Variants in EVC observed in about 807,000 individuals in gnomAD.
EVC encodes EvC ciliary complex subunit 1.
A neutral mutation model predicts 118.9 loss-of-function variants in EVC; 116 were observed. The ratio of observed to expected loss-of-function variants is 0.98; its 90% confidence interval spans 0.84 to 1.14. The LOEUF (loss-of-function observed/expected upper bound fraction) is 1.14, where lower values mean the gene tolerates loss of function less well. Ranked by LOEUF, EVC falls within the 50% of genes most tolerant of loss-of-function variation. EVC has a pLI of 0.00. For missense variants in EVC, 1,401 were observed against 1,246.4 expected, an observed-to-expected ratio of 1.12 and a Z score of -1.87; for synonymous variants, 619 against 534.7, an observed-to-expected ratio of 1.16 and a Z score of -2.18.
intron 19 of EVC, among the ~76,000 whole-genome samples, 179 bp from the exon 20 acceptor site, chr4:5,810,160 A>G (rs533414242): frequency 6.6e-6 from 1 of 152,278 alleles, no homozygotes; most frequent in East Asian, 1.9e-4. Flanking sequence ...AGAGTACGTC[A>G]CCTTCCCAGG....
chr4:5,817,050 G>A (rs77726796), downstream of EVC, among the ~76,000 whole-genome samples: 5,806 of 152,312 alleles, frequency 0.038, 142 homozygotes, highest in East Asian at 0.084. Flanking sequence ...GTGAGGCTGA[G>A]GCCCCAGCCT....
chr4:5,795,813 T>G (rs1231364033), intron 13 of EVC, among the ~76,000 whole-genome samples: 1 of 152,228 alleles, frequency 6.6e-6, no homozygotes, highest in African/African-American at 2.4e-5. Flanking sequence ...CATTTATGTT[T>G]AATGTAAATC....
intron 14 of EVC, among the ~76,000 whole-genome samples, chr4:5,797,923 A>C (rs933703724): frequency 3.9e-5 from 6 of 152,158 alleles, no homozygotes; most frequent in African/African-American, 7.2e-5. Flanking sequence ...ATAATTAGTA[A>C]GTTGTAGAGC....
Position 5,752,995 on chromosome 4 carries a change from G to A in EVC, c.1258G>A (p.Glu420Lys), listed in dbSNP as rs373502728. Residue 420 changes from glutamate to lysine, a missense_variant, in exon 9 of 21, where the codon GAG (glutamate) becomes AAG (lysine). Glu to Lys is a moderately conservative substitution (Grantham distance 56, BLOSUM62 1). Transcript: ENST00000264956. The part of the protein sequence containing the change: ...EGKLSGRQKE[E>K]LLTQQHKAFW... ...GAAGCTGTCCGGGCGGCAGAAGGAG[G>A]AGCTGCTCACGCAGCAGCACAAGGC... 7 of 1,613,174 alleles carry A rather than the reference G, an allele frequency of 4.3e-6. No homozygotes were observed. Among genetic ancestry groups the A allele is most frequent in the Non-Finnish European group, 5.1e-6 (6 of 1,179,698 alleles).
chr4:5,716,904 T>A (rs1724051600), intron 1 of EVC, among the ~76,000 whole-genome samples: 1 of 152,166 alleles, frequency 6.6e-6, no homozygotes, highest in Non-Finnish European at 1.5e-5. Context: ...TTCCTTTTGT[T>A]CCTCTGTAGA....
downstream of EVC, among the ~76,000 whole-genome samples, chr4:5,816,956 T>C (rs539301934): frequency 6.6e-6 from 1 of 152,156 alleles, no homozygotes; most frequent in Admixed American, 6.5e-5. Flanking sequence ...CTGACTCCTG[T>C]CCATGTTCTC....
chr4:5,766,268 G>C (rs994380248), intron 11 of EVC, among the ~76,000 whole-genome samples: 2 of 151,482 alleles, frequency 1.3e-5, no homozygotes, highest in South Asian at 4.2e-4. Context: ...TCTGCCTAGC[G>C]ATCAGCTGTT....
chr4:5,713,323 T>A (rs1362444264), intron 1 of EVC, among the ~76,000 whole-genome samples: 4 of 152,204 alleles, frequency 2.6e-5, no homozygotes, highest in Non-Finnish European at 5.9e-5. Flanking sequence ...TTATAAAATG[T>A]ATGTCAGACA....
intron 4 of EVC, among the ~76,000 whole-genome samples, chr4:5,732,946 G>C (rs982487729): frequency 3.3e-5 from 5 of 152,234 alleles, no homozygotes; most frequent in African/African-American, 1.2e-4. Flanking sequence ...GGAGGTGGAG[G>C]CTGCAGTAAG....
At chr4:5,783,846 C>A in intron 12 of EVC, 82 bp downstream of exon 12, 1 of 1,293,322 alleles carries the variant, frequency 7.7e-7, no homozygotes, top group Non-Finnish European at 1.1e-6. Context: ...ACGTCCTGAA[C>A]ACCCACTAGT....
At chr4:5,723,383 C>T (rs6852571) in intron 2 of EVC, among the ~76,000 whole-genome samples, 138,762 of 151,864 alleles carry the variant, frequency 0.91, 63,415 homozygotes, top group Middle Eastern at 0.94. Context: ...TAGAGGCGGG[C>T]TTCCACCATG....
Position 5,731,331 on chromosome 4 carries a change from A to G in EVC, c.385-94A>G. On this transcript the variant is annotated intron_variant, in intron 3 of 20. Coordinates refer to ENST00000264956, the MANE Select transcript of EVC (RefSeq NM_153717.3). This position sits in a 1 kb window ranked among gnomAD's most constrained non-coding sequence, Gnocchi z 5.6. ...TCTCCTCCAGGCAGACCTTCCTGTG[A>G]GCGGCTAGCGTGAATCACTGGTAGA... 9.2e-6 allele frequency: 10 copies of G among 1,089,166 alleles called. No individual in the cohort carries two copies. The South Asian group carries it at 1.0e-4, about 11-fold the overall frequency. The allele number at this position is 1,089,166 out of a possible 1,614,324, so 67.5% of individuals were successfully genotyped here.
At position 5,804,731 on chromosome 4, in the gene EVC, T is replaced by G; in HGVS notation, c.2451T>G (p.Gly817=). ...ATTGTCCTGTGTTAAATGGTCTAGGTGAGAGGATGGAAAATTACAAACTGC... is the reference window on the plus strand; with the variant it reads ...ATTGTCCTGTGTTAAATGGTCTAGGGGAGAGGATGGAAAATTACAAACTGC... The part of the protein sequence containing the change: ...RKLQHLKTLQ[G]ERMENYKLRK... Residue 817 remains glycine, a splice_region_variant and synonymous_variant, in exon 17 of 21, where the codon GGT becomes GGG. Coordinates refer to ENST00000264956, the MANE Select transcript of EVC (RefSeq NM_153717.3). The G allele has an allele frequency of 6.2e-7, 1 of 1,613,768 alleles. No individual in the cohort carries two copies. Among genetic ancestry groups the G allele is most frequent in the South Asian group, 1.1e-5 (1 of 91,050 alleles).
intron 2 of EVC, among the ~76,000 whole-genome samples, chr4:5,726,506 AT>A (rs1251072116): frequency 2.0e-5 from 3 of 149,992 alleles, no homozygotes; most frequent in African/African-American, 7.3e-5. Context: ...CCTGAGCAGG[AT>A]TTGACAGTGG....
intron 18 of EVC, 128 bp downstream of exon 18, chr4:5,808,455 G>T (rs766138178): frequency 9.0e-6 from 13 of 1,437,366 alleles, no homozygotes; most frequent in Admixed American, 5.8e-5. Flanking sequence ...TCGTTGACCC[G>T]CTGAGTCTCA....
intron 11 of EVC, among the ~76,000 whole-genome samples, chr4:5,760,221 G>GA (rs762326650): frequency 2.7e-4 from 41 of 151,942 alleles, no homozygotes; most frequent in Non-Finnish European, 5.1e-4. Flanking sequence ...TTCACAATAC[G>GA]GAAGTTCCTG....
chr4:5,758,113 G>C, intron 11 of EVC: 1 of 702,420 alleles, frequency 1.4e-6, no homozygotes, highest in South Asian at 1.5e-5. Flanking sequence ...ACACAGGGAA[G>C]GAGGCTGTTT....
chr4:5,711,713 G>A (rs532878141), intron 1 of EVC, among the ~76,000 whole-genome samples, 159 bp downstream of exon 1: 1 of 152,322 alleles, frequency 6.6e-6, no homozygotes, highest in South Asian at 2.1e-4. Flanking sequence ...CTCCAGGAGG[G>A]AGGTGGCGGC....
intron 17 of EVC, among the ~76,000 whole-genome samples, chr4:5,806,008 C>T (rs1715842984): frequency 6.6e-6 from 1 of 150,392 alleles, no homozygotes; most frequent in South Asian, 2.1e-4. Flanking sequence ...ACGTTTTACC[C>T]ATTAATTTCT....
Sources: allele counts gnomAD v4.1 joint callset (sites outside exome capture counted in the v4.1 genomes callset), GRCh38; gene constraint gnomAD v4.1.1; non-coding constraint Gnocchi (gnomAD v3.1); transcripts MANE v1.5; gene names NCBI Gene and HGNC (gene_info 2026-07-23, HGNC 2026-07-21).